TMPRSS3: variants seen among roughly 807,000 people sequenced by gnomAD.
TMPRSS3 encodes transmembrane protease serine 3.
In TMPRSS3, 55 loss-of-function variants were observed where a neutral mutation model predicts 59.6. The observed-to-expected ratio is 0.92, with a 90% CI of 0.74 to 1.16. The LOEUF (loss-of-function observed/expected upper bound fraction) is 1.16, where lower values mean the gene tolerates loss of function less well. Among genes scored for constraint, TMPRSS3 ranks in the 50% most tolerant of loss-of-function variants. TMPRSS3 has a pLI of 0.00. For synonymous variants in TMPRSS3, 257 were observed against 237.7 expected, an observed-to-expected ratio of 1.08 and a Z score of -0.75; for missense variants, 596 against 579.4, an observed-to-expected ratio of 1.03 and a Z score of -0.29.
In TMPRSS3 at chr21:42,379,331, T is replaced by G. The variant is rs573483944; in HGVS notation, c.1048+786A>C. On this transcript the variant is annotated intron_variant, in intron 10 of 12. Coordinates refer to ENST00000644384, the MANE Select transcript of TMPRSS3 (RefSeq NM_001256317.3). ...GTGCATGCCACCATGCCTGGCTAAT[T>G]TTTGTATTTTTTGTAGAGACGGTGT... Among the ~76,000 whole-genome samples the G allele has an allele frequency of 1.8e-4, 27 of 152,170 alleles. No individual in the cohort carries two copies. In the East Asian group the frequency reaches 4.8e-3, roughly 27 times the overall value.
At chr21:42,375,387 TGGCACACGG>T (rs2146420772) in intron 12 of TMPRSS3, among the ~76,000 whole-genome samples, 1 of 145,456 alleles carries the variant, frequency 6.9e-6, no homozygotes, top group Admixed American at 6.8e-5. Flanking sequence ...TCCCTGCTCC[TGGCACACGG>T]GGCACGCCCG....
At position 42,388,929 on chromosome 21, in the gene TMPRSS3, C is replaced by T; in HGVS notation, c.322G>A (p.Val108Ile). ...CCCAGGGGAAGAGCCATGACCTTAC[C>T]ACAGCGGTACTCGTCCTCCCCGTCT... ...CKDGEDEYRC[V>I]RVGGQNAVLQ... Residue 108 changes from valine (V) to isoleucine (I), a missense_variant and splice_region_variant, in exon 4 of 13, where the codon GTC (valine) becomes ATC (isoleucine). By Grantham distance (29) the Val-to-Ile change is conservative. Coordinates refer to ENST00000644384, the MANE Select transcript of TMPRSS3 (RefSeq NM_001256317.3). This position sits in a 1 kb window ranked among gnomAD's most constrained non-coding sequence, Gnocchi z 5.1. 1 of 1,613,494 alleles carries T rather than the reference C, an allele frequency of 6.2e-7. No homozygotes were observed. Among genetic ancestry groups the T allele is most frequent in the Non-Finnish European group, 8.5e-7 (1 of 1,179,478 alleles).
rs748419198 is a variant in TMPRSS3 at position 42,375,827 on chromosome 21, C to A, written c.1233G>T (p.Leu411=). Residue 411 remains leucine, a synonymous_variant, in exon 12 of 13, where the codon CTG becomes CTT. Transcript: ENST00000644384. The part of the protein sequence containing the change: ...GGPLVCQERR[L]WKLVGATSFG... Reference sequence around the variant, plus strand: ...AGCTGGTCGCTCCCACTAACTTCCACAGCCTCCTCTCTTGACACACCAGGG... The same window carrying A: ...AGCTGGTCGCTCCCACTAACTTCCAAAGCCTCCTCTCTTGACACACCAGGG... 1 of 1,613,880 alleles carries A rather than the reference C, an allele frequency of 6.2e-7. No homozygotes were observed. Among genetic ancestry groups the A allele is most frequent in the South Asian group, 1.1e-5 (1 of 91,086 alleles).
At chr21:42,381,124 A>G (rs1471456998) in intron 9 of TMPRSS3, among the ~76,000 whole-genome samples, 3 of 151,928 alleles carry the variant, frequency 2.0e-5, no homozygotes, top group Non-Finnish European at 4.4e-5. Flanking sequence ...TAACCTATTT[A>G]TTATGCTTTC....
At chr21:42,384,772 C>T (rs2052595910) in intron 6 of TMPRSS3, among the ~76,000 whole-genome samples, 1 of 152,098 alleles carries the variant, frequency 6.6e-6, no homozygotes, top group Non-Finnish European at 1.5e-5. Flanking sequence ...AGGGTTTGGG[C>T]CTAGATGTCA....
In TMPRSS3 at chr21:42,388,654, G is replaced by A. The variant is rs1165958410; in HGVS notation, c.323-128C>T. On this transcript the variant is annotated intron_variant, in intron 4 of 12. Transcript: ENST00000644384. The surrounding 1 kb of genome is among the most constrained non-coding windows in gnomAD (Gnocchi z 5.1). ...TCTGACCCACTTCTTGTCCACGGCA[G>A]CCTCCCCATCACAGAGCAGTGACTC... is the stretch of plus-strand genomic sequence containing the variant. 5.9e-6 allele frequency: 8 copies of A among 1,347,704 alleles called. No homozygotes were observed. In the East Asian group the frequency reaches 1.9e-4, roughly 32 times the overall value. The allele number at this position is 1,347,704 out of a possible 1,614,324, so 83.5% of individuals were successfully genotyped here. A position where few individuals can be genotyped will look rare whatever the true frequency, so the allele number is the denominator to read the frequency against.
chr21:42,382,903 A>C (rs1264077923), intron 8 of TMPRSS3, 130 bp downstream of exon 8: 9 of 1,149,284 alleles, frequency 7.8e-6, no homozygotes, highest in Non-Finnish European at 1.0e-5. Flanking sequence ...ACTCCTCTCC[A>C]ACTGTACATT....
chr21:42,380,889 A>T (rs370780212), intron 9 of TMPRSS3, among the ~76,000 whole-genome samples: 19 of 152,216 alleles, frequency 1.2e-4, no homozygotes, highest in African/African-American at 4.6e-4. Flanking sequence ...GAATAAAAGA[A>T]CTCACTTGAA....
intron 2 of TMPRSS3, among the ~76,000 whole-genome samples, chr21:42,391,138 G>A (rs374248360): frequency 3.9e-5 from 6 of 152,366 alleles, no homozygotes; most frequent in African/African-American, 1.2e-4. Flanking sequence ...CACACGGGGG[G>A]CTTGCAGGCA....
chr21:42,377,785 C>A (rs2052455878), intron 10 of TMPRSS3, among the ~76,000 whole-genome samples: 1 of 152,190 alleles, frequency 6.6e-6, no homozygotes, highest in African/African-American at 2.4e-5. Context: ...CAGCTTCCTG[C>A]CCGGAACGTG....
intron 5 of TMPRSS3, 118 bp from the exon 6 acceptor site, chr21:42,385,652 C>A (rs1011224009): frequency 1.1e-5 from 15 of 1,348,772 alleles, no homozygotes; most frequent in Non-Finnish European, 1.5e-5. Flanking sequence ...TTTTGTCCCC[C>A]CAAACCCATC....
At chr21:42,390,418 C>T (rs759210673) in intron 2 of TMPRSS3, 7 of 258,304 alleles carry the variant, frequency 2.7e-5, no homozygotes, top group Non-Finnish European at 4.6e-5. Context: ...TCCAACGTGG[C>T]TGTTGCCCTT....
intron 7 of TMPRSS3, chr21:42,383,418 G>A (rs2052570426): frequency 3.3e-6 from 2 of 607,134 alleles, no homozygotes; most frequent in Admixed American, 2.8e-5. Flanking sequence ...AGGATGCGGT[G>A]GGAAAAGCAC....
chr21:42,381,912 A>C, intron 9 of TMPRSS3, 153 bp downstream of exon 9: 1 of 975,020 alleles, frequency 1.0e-6, no homozygotes, highest in South Asian at 1.4e-5. Flanking sequence ...AAGATAATCA[A>C]CTGATGCCAA....
chr21:42,374,075 G>T (rs1300864106), intron 12 of TMPRSS3, among the ~76,000 whole-genome samples: 1 of 152,122 alleles, frequency 6.6e-6, no homozygotes, highest in Admixed American at 6.5e-5. Context: ...CTGTGCCCAC[G>T]CGACCCTTCT....
intron 2 of TMPRSS3, among the ~76,000 whole-genome samples, chr21:42,394,987 C>T (rs1210840019): frequency 6.6e-6 from 1 of 152,216 alleles, no homozygotes; most frequent in Non-Finnish European, 1.5e-5. Context: ...GTGGCCACTG[C>T]TTCTCAGGAC....
At chr21:42,395,825 T>C (rs2052799132) in intron 1 of TMPRSS3, 117 bp downstream of exon 1, 1 of 423,590 alleles carries the variant, frequency 2.4e-6, no homozygotes, top group African/African-American at 2.0e-5. Flanking sequence ...GATAAATTAC[T>C]CTCAAAGCCC....
intron 12 of TMPRSS3, among the ~76,000 whole-genome samples, chr21:42,373,329 C>T (rs1488472465): frequency 3.9e-5 from 6 of 152,208 alleles, no homozygotes; most frequent in Non-Finnish European, 8.8e-5. Flanking sequence ...TGGGAAAGGG[C>T]GTGTCTGAGG....
chr21:42,373,279 G>T (rs1200957680), intron 12 of TMPRSS3, among the ~76,000 whole-genome samples: 1 of 152,240 alleles, frequency 6.6e-6, no homozygotes, highest in African/African-American at 2.4e-5. Context: ...AGGAAAGGAA[G>T]TCTCTTCTGG....
Sources: gnomAD v4.1 joint callset for allele counts (sites outside exome capture counted in the v4.1 genomes callset) on GRCh38, gnomAD v4.1.1 for gene constraint, Gnocchi (gnomAD v3.1) non-coding constraint, MANE v1.5 for transcripts, NCBI Gene and HGNC (gene_info 2026-07-23, HGNC 2026-07-21) for gene names.